MYBL1: variants seen among roughly 807,000 people sequenced by gnomAD.
MYBL1 encodes myb-related protein A.
Under a neutral mutation model 96.3 loss-of-function variants are expected in MYBL1, and 17 were observed. The ratio of observed to expected loss-of-function variants is 0.18; its 90% CI spans 0.12 to 0.26. The LOEUF is 0.26. Ranked by LOEUF, MYBL1 falls within the 10% of genes least tolerant of loss-of-function variation. The pLI is 1.00. For synonymous variants in MYBL1, 282 were observed against 292.7 expected, an observed-to-expected ratio of 0.96 and a Z score of 0.37; for missense variants, 701 against 882.9, an observed-to-expected ratio of 0.79 and a Z score of 2.61.
At chr8:66,589,167 T>A (rs1041786901) in intron 8 of MYBL1, among the ~76,000 whole-genome samples, 34 of 152,344 alleles carry the variant, frequency 2.2e-4, no homozygotes, top group Admixed American at 2.2e-3. Context: ...AGAAAATAAC[T>A]TTCTTCCTTT....
rs757033622 is a variant in MYBL1, at chr8:66,563,285, A to G, written c.*1412T>C. ...GCATACTTCAGGAGTGGAGAGGGAG[A>G]GAGTGTGTCAATTATAAATAATTCA... On this transcript the variant is annotated 3_prime_UTR_variant, in exon 16 of 16. Transcript: ENST00000522677. The G allele has an allele frequency of 3.9e-5, 6 of 152,702 alleles. No individual in the cohort carries two copies. In the East Asian group the frequency reaches 9.6e-4, roughly 25 times the overall value. The allele number at this position is 152,702 out of a possible 1,614,324, so 9.5% of individuals were successfully genotyped here. A position where few individuals can be genotyped will look rare whatever the true frequency, so the allele number is the denominator to read the frequency against.
At chr8:66,568,063 C>A (rs796329851) in intron 12 of MYBL1, among the ~76,000 whole-genome samples, 3,221 of 141,818 alleles carry the variant, frequency 0.023, 121 homozygotes, top group African/African-American at 0.077. Flanking sequence ...AAAAAAAAAA[C>A]AACAACAACA....
intron 1 of MYBL1, among the ~76,000 whole-genome samples, chr8:66,603,189 C>T (rs1810175410): frequency 6.6e-6 from 1 of 152,024 alleles, no homozygotes; most frequent in Non-Finnish European, 1.5e-5. Flanking sequence ...AATTTTAACA[C>T]AGCAAAAGAC....
intron 1 of MYBL1, among the ~76,000 whole-genome samples, chr8:66,603,006 A>G (rs978244547): frequency 5.3e-5 from 8 of 151,792 alleles, no homozygotes; most frequent in Admixed American, 3.3e-4. Flanking sequence ...CGGCCTCCCA[A>G]TGTGCTGGGA....
chr8:66,611,226 A>G (rs889335689), intron 1 of MYBL1, among the ~76,000 whole-genome samples: 3 of 152,230 alleles, frequency 2.0e-5, no homozygotes, highest in Admixed American at 2.0e-4. Flanking sequence ...TAAGATTAAC[A>G]TCAATACTGA....
At chr8:66,592,984 A>G in intron 7 of MYBL1, 136 bp downstream of exon 7, 1 of 553,894 alleles carries the variant, frequency 1.8e-6, no homozygotes, top group Non-Finnish European at 3.2e-6. Flanking sequence ...TTTCTTCTTT[A>G]TAGTTAGAGT....
At chr8:66,607,486 A>G (rs909695578) in intron 1 of MYBL1, among the ~76,000 whole-genome samples, 3 of 152,194 alleles carry the variant, frequency 2.0e-5, no homozygotes, top group African/African-American at 7.2e-5. Flanking sequence ...AATATTTGTA[A>G]AACTAATGAA....
chr8:66,577,889 C>T (rs558338681), intron 9 of MYBL1, among the ~76,000 whole-genome samples: 4 of 152,246 alleles, frequency 2.6e-5, no homozygotes, highest in Admixed American at 2.6e-4. Flanking sequence ...AGATATAGAT[C>T]AATGGAACAG....
At chr8:66,571,544 T>C (rs1808727595) in intron 12 of MYBL1, among the ~76,000 whole-genome samples, 1 of 152,228 alleles carries the variant, frequency 6.6e-6, no homozygotes, top group Non-Finnish European at 1.5e-5. Context: ...TTCTAATACA[T>C]GTAACCATGA....
At chr8:66,589,045 A>AT (rs1809532928) in intron 8 of MYBL1, among the ~76,000 whole-genome samples, 2 of 152,144 alleles carry the variant, frequency 1.3e-5, no homozygotes, top group Admixed American at 1.3e-4. Context: ...AATGCTTCAT[A>AT]TGGGTATGGA....
intron 8 of MYBL1, among the ~76,000 whole-genome samples, chr8:66,589,319 T>G (rs939515159): frequency 6.9e-6 from 1 of 143,934 alleles, no homozygotes; most frequent in African/African-American, 2.5e-5. Context: ...TCTTTGTGGC[T>G]TTTTTTTTTT....
chr8:66,602,724 TATATA>T (rs1563551185), intron 1 of MYBL1, among the ~76,000 whole-genome samples: 5 of 49,904 alleles, frequency 1.0e-4, no homozygotes, highest in African/African-American at 2.0e-4. Context: ...TATATATATA[TATATA>T]TATATTTTTT....
Position 66,601,740 on chromosome 8 carries a change from T to C in MYBL1, c.156A>G (p.Gln52=), listed in dbSNP as rs1260175744. 3 of 1,530,236 alleles carry C rather than the reference T, an allele frequency of 2.0e-6. No homozygotes were observed. Among genetic ancestry groups the C allele is most frequent in the Non-Finnish European group, 2.7e-6 (3 of 1,129,590 alleles). 94.8% of individuals were successfully genotyped at this position (1,530,236 alleles called of 1,614,324 possible). A position where few individuals can be genotyped will look rare whatever the true frequency, so the allele number is the denominator to read the frequency against. Residue 52 remains glutamine, a synonymous_variant, in exon 3 of 16, where the codon CAA becomes CAG. Transcript: ENST00000522677. ...EDDKLKKLVE[Q]HGTDDWTLIA... ...TTAGAGTCCAATCATCAGTTCCATGTTGTTCAACCAACTTCTTTAATTTAT... is the reference window on the plus strand; with the variant it reads ...TTAGAGTCCAATCATCAGTTCCATGCTGTTCAACCAACTTCTTTAATTTAT...
chr8:66,567,919 G>A (rs932064570), intron 12 of MYBL1, among the ~76,000 whole-genome samples: 8 of 151,298 alleles, frequency 5.3e-5, no homozygotes, highest in East Asian at 1.9e-4. Flanking sequence ...AAAATTAGCC[G>A]GGGGTGGTGG....
chr8:66,581,334 T>C (rs1809202935), intron 8 of MYBL1, among the ~76,000 whole-genome samples: 1 of 152,186 alleles, frequency 6.6e-6, no homozygotes, highest in Non-Finnish European at 1.5e-5. Flanking sequence ...TATGTTACCA[T>C]AAACTTTGTG....
chr8:66,610,547 T>G (rs3857961), intron 1 of MYBL1, among the ~76,000 whole-genome samples: 1 of 152,074 alleles, frequency 6.6e-6, no homozygotes, highest in African/African-American at 2.4e-5. Flanking sequence ...AAATTACAAC[T>G]TGAAGTAACT....
Position 66,572,165 on chromosome 8 carries a change from C to T in MYBL1, c.1728+317G>A, listed in dbSNP as rs555439575. On this transcript the variant is annotated intron_variant, in intron 12 of 15. Coordinates refer to ENST00000522677, the MANE Select transcript of MYBL1 (RefSeq NM_001080416.4). The stretch of plus-strand genomic sequence containing the variant: ...TGAAACCCCATCTCTACTAAAAATA[C>T]AAAAATTAGCTGGGTGTGGTGGCGG... 2.0e-5 allele frequency among the ~76,000 whole-genome samples: 3 copies of T among 151,596 alleles called. No homozygotes were observed. In the East Asian group the frequency reaches 5.8e-4, roughly 29 times the overall value.
At position 66,612,863 on chromosome 8, in the gene MYBL1, G is replaced by A. The variant is rs1586611957; in HGVS notation, c.-25C>T. The A allele has an allele frequency of 2.2e-6, 3 of 1,351,938 alleles. No homozygotes were observed. Among genetic ancestry groups the A allele is most frequent in the Non-Finnish European group, 2.9e-6 (3 of 1,041,708 alleles). The allele number at this position is 1,351,938 out of a possible 1,614,324, so 83.7% of individuals were successfully genotyped here. ...TCCTTCAAGTACCGCATAGGAGCAG[G>A]CTGGGCGGGGACGCGGGTCAGCCTC... On this transcript the variant is annotated 5_prime_UTR_variant, in exon 1 of 16. Transcript: ENST00000522677.
At chr8:66,602,048 G>C (rs1810093400) in intron 2 of MYBL1, among the ~76,000 whole-genome samples, 1 of 151,880 alleles carries the variant, frequency 6.6e-6, no homozygotes, top group Non-Finnish European at 1.5e-5. Context: ...AACTATAGCA[G>C]CATTTTTTTT....
Sources: allele counts gnomAD v4.1 joint callset (sites outside exome capture counted in the v4.1 genomes callset), GRCh38; gene constraint gnomAD v4.1.1; transcripts MANE v1.5; gene names NCBI Gene and HGNC (gene_info 2026-07-23, HGNC 2026-07-21).